The following ZNF384 variants were observed in gnomAD, a reference collection of about 807,000 sequenced individuals.
ZNF384 encodes the protein CAG repeat protein 1.
Under a neutral mutation model 65.0 loss-of-function variants are expected in ZNF384, and 20 were observed. The ratio of observed to expected loss-of-function variants is 0.31; its 90% confidence interval spans 0.22 to 0.45. The LOEUF is 0.45. ZNF384 is among the 20% of genes least tolerant of loss of function. ZNF384 has a pLI of 1.00. For missense variants in ZNF384, 549 were observed against 769.4 expected, an observed-to-expected ratio of 0.71 and a Z score of 3.39; for synonymous variants, 310 against 303.9, an observed-to-expected ratio of 1.02 and a Z score of -0.21.
intron 7 of ZNF384, among the ~76,000 whole-genome samples, chr12:6,676,131 C>G (rs1476986073): frequency 6.6e-6 from 1 of 152,142 alleles, no homozygotes; most frequent in Non-Finnish European, 1.5e-5. Context: ...GAAACCCTGT[C>G]TCTACTAAAA....
In ZNF384 at chr12:6,673,027, GACC is replaced by G; in HGVS notation, c.1004+186_1004+188del. On this transcript the variant is annotated intron_variant, in intron 8 of 11. Coordinates refer to ENST00000683879, the MANE Select transcript of ZNF384 (RefSeq NM_001385745.1). The surrounding 1 kb of genome is among the most constrained non-coding windows in gnomAD (Gnocchi z 4.7). ...AATTGTTCCAGACTTTGGAATTGGA[GACC>G]ACAATTTTCAAGGCCCCCCAAATAG... The G allele has an allele frequency of 1.6e-6, 1 of 614,030 alleles. No homozygotes were observed. The highest frequency in any genetic ancestry group is 2.8e-6 in the Non-Finnish European group (1 of 351,012). The allele number at this position is 614,030 out of a possible 1,614,324, so 38.0% of individuals were successfully genotyped here.
rs898092506 is a variant in ZNF384, at chr12:6,672,787, T to C, written c.1005-255A>G. 2.9e-4 allele frequency among the ~76,000 whole-genome samples: 44 copies of C among 152,050 alleles called. 1 individual carries two copies. The highest frequency in any genetic ancestry group is 2.6e-3 in the Admixed American group (39 of 15,266). On this transcript the variant is annotated intron_variant, in intron 8 of 11. Transcript: ENST00000683879. The surrounding 1 kb of genome is among the most constrained non-coding windows in gnomAD (Gnocchi z 4.4). The stretch of plus-strand genomic sequence containing the variant: ...CCCATGGCTCCTGGTAACCTTAAAG[T>C]AGTCAATCTCATCAACCCTCCGCTT...
rs777774206 is a variant in ZNF384 at position 6,673,435 on chromosome 12, C to T, written c.785G>A (p.Arg262Gln). 12 of 1,613,564 alleles carry T rather than the reference C, an allele frequency of 7.4e-6. No homozygotes were observed. The highest frequency in any genetic ancestry group is 2.2e-5 in the South Asian group (2 of 91,014). ...GGAGTAGAATGTCAGTGAGCACATC[C>T]GGCACCTGAGCCAAGTGAGGGCAAT... ...TTNLLCDPGC[R>Q]MCSLTFYSKS... is the part of the protein sequence containing the mutation. Residue 262 changes from arginine (R) to glutamine (Q), a missense_variant, in exon 8 of 12, where the codon CGG becomes CAG. Around this residue, in one of 5 missense-constraint regions of ZNF384, gnomAD observed 277 missense variants for 337.2 expected, o/e 0.82. Coordinates refer to ENST00000683879, the MANE Select transcript of ZNF384 (RefSeq NM_001385745.1). The surrounding 1 kb of genome is among the most constrained non-coding windows in gnomAD (Gnocchi z 4.7).
chr12:6,686,714 G>A lies in ZNF384; in HGVS notation c.-6+1453C>T, dbSNP rs114936657. Among the ~76,000 whole-genome samples the A allele has an allele frequency of 4.2e-3, 633 of 152,264 alleles. 5 individuals are homozygous for A. Among genetic ancestry groups the A allele is most frequent in the African/African-American group, 0.015 (603 of 41,556 alleles). On this transcript the variant is annotated intron_variant, in intron 2 of 11. Transcript: ENST00000683879. Reference sequence around the variant, plus strand: ...GTAAGGCATATGGTGATGAGATAAAGGCAGCACAAAAAAGAGAAAGAATGA... The same window carrying A: ...GTAAGGCATATGGTGATGAGATAAAAGCAGCACAAAAAAGAGAAAGAATGA...
chr12:6,681,195 G>A (rs1448522363), intron 2 of ZNF384, among the ~76,000 whole-genome samples: 1 of 145,028 alleles, frequency 6.9e-6, no homozygotes, highest in Non-Finnish European at 1.5e-5. Flanking sequence ...TGGGCAACAA[G>A]AGTGAAACGC....
At chr12:6,668,479 G>C (rs944352516) in intron 11 of ZNF384, among the ~76,000 whole-genome samples, 2 of 152,062 alleles carry the variant, frequency 1.3e-5, no homozygotes, top group African/African-American at 4.8e-5. Context: ...GAGGTAGGTG[G>C]ATCACTTGAG....
chr12:6,679,497 A>G lies in ZNF384; in HGVS notation c.24T>C (p.Ser8=). 6.2e-7 allele frequency: 1 copy of G among 1,614,118 alleles called. No individual in the cohort carries two copies. Among genetic ancestry groups the G allele is most frequent in the African/African-American group, 1.3e-5 (1 of 75,052 alleles). The change falls in exon 3 of 12, where the codon TCT becomes TCC. Residue 8 remains serine, a synonymous_variant. Coordinates refer to ENST00000683879, the MANE Select transcript of ZNF384 (RefSeq NM_001385745.1). MEESHFN[S]NPYFWPSIPT... ...GGATAGAAGGCCAGAAGTACGGGTTAGAATTGAAGTGAGATTCTTCCATTC... is the reference window on the plus strand; with the variant it reads ...GGATAGAAGGCCAGAAGTACGGGTTGGAATTGAAGTGAGATTCTTCCATTC...
At position 6,678,224 on chromosome 12, in the gene ZNF384, T is replaced by C. The variant is rs750033050; in HGVS notation, c.589A>G (p.Lys197Glu). The change falls in exon 6 of 12, where the codon AAG (lysine) becomes GAG (glutamate). Residue 197 changes from lysine to glutamate, a missense_variant. This residue lies in a region of ZNF384 where 277 missense variants were observed against 337.2 expected (regional missense o/e 0.82). Coordinates refer to ENST00000683879, the MANE Select transcript of ZNF384 (RefSeq NM_001385745.1). This position sits in a 1 kb window ranked among gnomAD's most constrained non-coding sequence, Gnocchi z 4.9. ...GGCAGCCCTGATTCCAGCATCCGCT[T>C]CTTCTTCCGGCCCCGGGGTGGCTTA... is the stretch of plus-strand genomic sequence containing the variant. ...APKPPRGRKK[K>E]RMLESGLPEM... 1.2e-6 allele frequency: 2 copies of C among 1,614,188 alleles called. No homozygotes were observed. Among genetic ancestry groups the C allele is most frequent in the Non-Finnish European group, 1.7e-6 (2 of 1,180,032 alleles).
intron 7 of ZNF384, among the ~76,000 whole-genome samples, chr12:6,676,846 G>A (rs1444684191): frequency 6.6e-6 from 1 of 152,128 alleles, no homozygotes; most frequent in Non-Finnish European, 1.5e-5. Context: ...ATAAAGTGGG[G>A]TACACCTGTA....
In ZNF384 at chr12:6,673,614, C is replaced by T. The variant is rs994026454; in HGVS notation, c.780-174G>A. Among the ~76,000 whole-genome samples, 2 of 152,052 alleles carry T rather than the reference C, an allele frequency of 1.3e-5. No homozygotes were observed. Among genetic ancestry groups the T allele is most frequent in the Admixed American group, 6.5e-5 (1 of 15,270 alleles). On this transcript the variant is annotated intron_variant, in intron 7 of 11. Transcript: ENST00000683879. The surrounding 1 kb of genome is among the most constrained non-coding windows in gnomAD (Gnocchi z 4.7). Reference sequence around the variant, plus strand: ...TAAGCTTCTAACATGGTGCCCAGCACATTATAAATATTCAATAAATGTTTG... The same window carrying T: ...TAAGCTTCTAACATGGTGCCCAGCATATTATAAATATTCAATAAATGTTTG...
At chr12:6,681,814 T>A (rs1193539240) in intron 2 of ZNF384, among the ~76,000 whole-genome samples, 1 of 152,228 alleles carries the variant, frequency 6.6e-6, no homozygotes, top group East Asian at 1.9e-4. Context: ...TCAGCCTTTT[T>A]AAAAAGTAGC....
In ZNF384 at chr12:6,670,732, G is replaced by T. The variant is rs1286618896; in HGVS notation, c.1266+28C>A. ...AAATGGCCCCATGTCTCAGACTCAAGGTCTTGTGTGGAGGGTGGAACATTT... is the reference window on the plus strand; with the variant it reads ...AAATGGCCCCATGTCTCAGACTCAATGTCTTGTGTGGAGGGTGGAACATTT... On this transcript the variant is annotated intron_variant, in intron 10 of 11. Transcript: ENST00000683879. 5 of 1,607,384 alleles carry T rather than the reference G, an allele frequency of 3.1e-6. No individual in the cohort carries two copies. The South Asian group carries it at 5.5e-5, about 18-fold the overall frequency.
chr12:6,668,217 C>G (rs762958321), intron 11 of ZNF384, 102 bp from the exon 12 acceptor site: 84 of 1,236,488 alleles, frequency 6.8e-5, no homozygotes, highest in Non-Finnish European at 9.1e-5. Context: ...GCAGAGTAAG[C>G]TTTATACTGG....
In ZNF384 at chr12:6,667,999, CTGGGCTTGAGCT is replaced by C; in HGVS notation, c.1530_1541del (p.Gln524_Ala527del). On this transcript the variant is annotated inframe_deletion, in exon 12 of 12. Transcript: ENST00000683879. ...CCTGGGCTTGAGCCTGAGCCTGAGC[CTGGGCTTGAGCT>C]TGAGCCTGGGCCTGGGCCACTGCTG... 3 of 1,613,180 alleles carry C rather than the reference CTGGGCTTGAGCT, an allele frequency of 1.9e-6. No homozygotes were observed. Among genetic ancestry groups the C allele is most frequent in the Non-Finnish European group, 2.5e-6 (3 of 1,179,628 alleles).
intron 7 of ZNF384, among the ~76,000 whole-genome samples, chr12:6,676,253 A>G (rs932791483): frequency 6.6e-6 from 1 of 152,072 alleles, no homozygotes; most frequent in Non-Finnish European, 1.5e-5. Context: ...GTGAGTTGAG[A>G]TTGTGCCACT....
chr12:6,685,061 ATATT>A (rs1957412473), intron 2 of ZNF384, among the ~76,000 whole-genome samples: 1 of 152,198 alleles, frequency 6.6e-6, no homozygotes. Flanking sequence ...TTATGCCTAT[ATATT>A]TAAAGAAAGT....
At position 6,678,395 on chromosome 12, in the gene ZNF384, A is replaced by G. The variant is rs772836530; in HGVS notation, c.418T>C (p.Phe140Leu). ...LVTTASSAQTFPISAPMIVSA... is the reference protein window; with the variant it reads ...LVTTASSAQTLPISAPMIVSA... ...ACAATCATGGGAGCCGAAATGGGGA[A>G]GGTCTGAGCTGATGATGCTGTGGTC... is the stretch of plus-strand genomic sequence containing the variant. Residue 140 changes from phenylalanine to leucine, a missense_variant, in exon 6 of 12, where the codon TTC becomes CTC. Physicochemically the swap from Phe to Leu is conservative, Grantham distance 22. This residue lies in a region of ZNF384 where 277 missense variants were observed against 337.2 expected (regional missense o/e 0.82). Coordinates refer to ENST00000683879, the MANE Select transcript of ZNF384 (RefSeq NM_001385745.1). The surrounding 1 kb of genome is among the most constrained non-coding windows in gnomAD (Gnocchi z 4.9). 2 of 1,611,800 alleles carry G rather than the reference A, an allele frequency of 1.2e-6. No homozygotes were observed. Among genetic ancestry groups the G allele is most frequent in the Non-Finnish European group, 1.7e-6 (2 of 1,178,992 alleles).
intron 1 of ZNF384, 138 bp downstream of exon 1, chr12:6,688,960 C>T (rs375328307): frequency 6.6e-6 from 1 of 152,650 alleles, no homozygotes; most frequent in African/African-American, 2.4e-5. Context: ...CCCGCTCCTC[C>T]ACAACCACTT....
intron 10 of ZNF384, 82 bp from the exon 11 acceptor site, chr12:6,669,271 T>G: frequency 2.1e-6 from 3 of 1,423,892 alleles, no homozygotes; most frequent in Non-Finnish European, 2.9e-6. Context: ...AGCAAAAAGG[T>G]AGGTGTCAGG....
Sources: gnomAD v4.1 joint callset for allele counts (sites outside exome capture counted in the v4.1 genomes callset) on GRCh38, gnomAD v4.1.1 for gene constraint, gnomAD v4.1.1 regional missense constraint, Gnocchi (gnomAD v3.1) non-coding constraint, MANE v1.5 for transcripts, NCBI Gene and HGNC (gene_info 2026-07-23, HGNC 2026-07-21) for gene names.